The following TMEM245 variants were observed in gnomAD, a reference collection of about 807,000 sequenced individuals.
TMEM245 encodes the protein transmembrane protein 245.
In TMEM245, 69 loss-of-function variants were observed where a neutral mutation model predicts 101.2. The observed-to-expected ratio is 0.68, with a 90% confidence interval of 0.56 to 0.83. The LOEUF is 0.83. TMEM245 is among the 40% of genes least tolerant of loss of function. The pLI, the probability that TMEM245 is intolerant of heterozygous loss-of-function variation, is 0.00. For synonymous variants in TMEM245, 537 were observed against 449.8 expected (o/e 1.19, Z -2.45); for missense variants, 1,075 against 1,092.8 (o/e 0.98, Z 0.23).
chr9:109,085,590 TA>T (rs951624312), intron 7 of TMEM245, among the ~76,000 whole-genome samples: 15 of 152,260 alleles, frequency 9.9e-5, no homozygotes, highest in Non-Finnish European at 2.1e-4. Flanking sequence ...TTTGTCTTTT[TA>T]AAAAATTCCT....
In TMEM245 at chr9:109,119,638, A is replaced by T; in HGVS notation, c.276T>A (p.Thr92=). 1 of 1,563,746 alleles carries T rather than the reference A, an allele frequency of 6.4e-7. No individual in the cohort carries two copies. Among genetic ancestry groups the T allele is most frequent in the African/African-American group, 1.4e-5 (1 of 73,218 alleles). ...RPLLWAVLCG[T]FLHPFKSSLT... ...GCGAGCTCTTGAAGGGGTGCAGAAA[A>T]GTGCCGCATAGCACGGCCCAGAGCA... The change falls in exon 1 of 18, where the codon ACT becomes ACA. Residue 92 remains threonine (T), a synonymous_variant. Coordinates refer to ENST00000374586, the MANE Select transcript of TMEM245 (RefSeq NM_032012.4).
rs751906322 is a variant in TMEM245 at position 109,119,767 on chromosome 9, G to T, written c.147C>A (p.Pro49=). The T allele has an allele frequency of 6.7e-7, 1 of 1,498,274 alleles. No individual in the cohort carries two copies. The highest frequency in any genetic ancestry group is 2.8e-5 in the East Asian group (1 of 35,488). 92.8% of individuals were successfully genotyped at this position (1,498,274 alleles called of 1,614,324 possible). A position where few individuals can be genotyped will look rare whatever the true frequency, so the allele number is the denominator to read the frequency against. The change falls in exon 1 of 18, where the codon CCC becomes CCA. Residue 49 remains proline (P), a synonymous_variant. Coordinates refer to ENST00000374586, the MANE Select transcript of TMEM245 (RefSeq NM_032012.4). ...CGGTGTTGTAGAAGGCCTGCTTAATGGGCTTGTCGAAGCGCAGCGCCAGCG... is the reference window on the plus strand; with the variant it reads ...CGGTGTTGTAGAAGGCCTGCTTAATTGGCTTGTCGAAGCGCAGCGCCAGCG... ...TAALALRFDK[P]IKQAFYNTGA...
chr9:109,093,370 C>T, intron 4 of TMEM245, 105 bp downstream of exon 4: 1 of 876,686 alleles, frequency 1.1e-6, no homozygotes, highest in Non-Finnish European at 1.8e-6. Flanking sequence ...AATGAAGGAT[C>T]AGCAGGAGTA....
intron 8 of TMEM245, among the ~76,000 whole-genome samples, chr9:109,078,278 T>G (rs1286592974): frequency 6.6e-6 from 1 of 152,186 alleles, no homozygotes; most frequent in Non-Finnish European, 1.5e-5. Flanking sequence ...CTATTTTTCT[T>G]TAGTCATATT....
chr9:109,095,395 G>A (rs72760359), intron 3 of TMEM245, among the ~76,000 whole-genome samples: 22,198 of 152,136 alleles, frequency 0.15, 1,843 homozygotes, highest in African/African-American at 0.2. Flanking sequence ...GCTATAAAAA[G>A]AAATGCTGGG....
intron 17 of TMEM245, among the ~76,000 whole-genome samples, chr9:109,023,766 G>A (rs1365735949): frequency 2.0e-5 from 3 of 151,706 alleles, no homozygotes; most frequent in Admixed American, 6.6e-5. Flanking sequence ...AACCTGGGAG[G>A]TGGAGCTTGC....
chr9:109,028,454 CAAAA>C (rs3060541), intron 17 of TMEM245, among the ~76,000 whole-genome samples: 1 of 137,840 alleles, frequency 7.3e-6, no homozygotes, highest in Non-Finnish European at 1.5e-5. Flanking sequence ...CACTCCATCT[CAAAA>C]AAAAAAAAAA....
intron 1 of TMEM245, among the ~76,000 whole-genome samples, chr9:109,116,528 ACTTTTTTTTTT>A (rs1277124256): frequency 1.4e-5 from 2 of 144,802 alleles, no homozygotes; most frequent in Non-Finnish European, 3.0e-5. Context: ...TTTAATCAGC[ACTTTTTTTTTT>A]CTTTTTTTTT....
rs761922718 is a variant in TMEM245, at chr9:109,033,387, A to C, written c.2514T>G (p.Asn838Lys). The change falls in exon 17 of 18, where the codon AAT (asparagine) becomes AAG (lysine). Residue 838 changes from asparagine (N) to lysine (K), a missense_variant. Physicochemically the swap from Asn to Lys is moderately conservative, Grantham distance 94. Transcript: ENST00000374586. ...ILLCILVVASNIYSAMLVSPT... is the reference protein window; with the variant it reads ...ILLCILVVASKIYSAMLVSPT... ...GACTCACTAGCATGGCACTATAGATATTGGAAGCAACCACAAGTATGCAGA... is the reference window on the plus strand; with the variant it reads ...GACTCACTAGCATGGCACTATAGATCTTGGAAGCAACCACAAGTATGCAGA... The C allele has an allele frequency of 6.2e-7, 1 of 1,614,040 alleles. No individual in the cohort carries two copies. Among genetic ancestry groups the C allele is most frequent in the African/African-American group, 1.3e-5 (1 of 74,910 alleles).
chr9:109,097,857 G>A (rs1014974678), intron 3 of TMEM245, among the ~76,000 whole-genome samples: 18 of 152,206 alleles, frequency 1.2e-4, no homozygotes, highest in Non-Finnish European at 2.9e-5. Context: ...GGAGGCAGAG[G>A]CTTCAGTGAG....
chr9:109,043,471 C>A (rs1828379018), intron 14 of TMEM245, among the ~76,000 whole-genome samples: 1 of 152,206 alleles, frequency 6.6e-6, no homozygotes, highest in Non-Finnish European at 1.5e-5. Context: ...TACGCTTCCT[C>A]CACCTTTATG....
At chr9:109,059,712 A>T (rs1341662211) in intron 11 of TMEM245, among the ~76,000 whole-genome samples, 2 of 151,970 alleles carry the variant, frequency 1.3e-5, no homozygotes, top group Non-Finnish European at 2.9e-5. Context: ...ATAATAATAA[A>T]AAATAAAAGA....
At chr9:109,046,181 C>T in intron 14 of TMEM245, 1 of 528,146 alleles carries the variant, frequency 1.9e-6, no homozygotes. Context: ...CACTGAAAAG[C>T]TGTAATCCCA....
At chr9:109,078,690 G>A (rs1261622526) in intron 8 of TMEM245, among the ~76,000 whole-genome samples, 6 of 151,990 alleles carry the variant, frequency 3.9e-5, no homozygotes, top group East Asian at 3.9e-4. Flanking sequence ...TTTGTCTTTC[G>A]GCAGTTTGAC....
At chr9:109,034,823 T>A (rs1358879738) in intron 16 of TMEM245, among the ~76,000 whole-genome samples, 1 of 152,046 alleles carries the variant, frequency 6.6e-6, no homozygotes, top group Non-Finnish European at 1.5e-5. Flanking sequence ...AATAAAACAA[T>A]TTATGCCAAA....
intron 9 of TMEM245, among the ~76,000 whole-genome samples, chr9:109,068,256 G>C (rs1829228783): frequency 6.6e-6 from 1 of 151,822 alleles, no homozygotes; most frequent in African/African-American, 2.4e-5. Flanking sequence ...TGTAGTCCCA[G>C]CTACTCGGGA....
chr9:109,027,040 G>T (rs1827810274), intron 17 of TMEM245, among the ~76,000 whole-genome samples: 1 of 152,070 alleles, frequency 6.6e-6, no homozygotes, highest in Non-Finnish European at 1.5e-5. Flanking sequence ...CTAGCCTCAG[G>T]AATTCCTTTA....
intron 7 of TMEM245, among the ~76,000 whole-genome samples, chr9:109,084,024 A>T (rs1214977547): frequency 6.8e-6 from 1 of 147,064 alleles, no homozygotes; most frequent in Admixed American, 6.9e-5. Flanking sequence ...TTGTGTAGTG[A>T]GTCAAGATCA....
chr9:109,032,927 C>A (rs556639523), intron 17 of TMEM245, among the ~76,000 whole-genome samples: 1 of 150,626 alleles, frequency 6.6e-6, no homozygotes, highest in South Asian at 2.1e-4. Flanking sequence ...GCCTCCCAAA[C>A]AGCTGGGTTC....
Sources: allele counts gnomAD v4.1 joint callset (sites outside exome capture counted in the v4.1 genomes callset), GRCh38; gene constraint gnomAD v4.1.1; transcripts MANE v1.5; gene names NCBI Gene and HGNC (gene_info 2026-07-23, HGNC 2026-07-21).